Variants in CTIF observed in about 807,000 individuals in gnomAD.
CTIF encodes the protein cap binding complex dependent translation initiation factor.
In CTIF, 21 loss-of-function variants were observed where a neutral mutation model predicts 66.0. The ratio of observed to expected loss-of-function variants is 0.32; its 90% CI spans 0.23 to 0.46. The LOEUF is 0.46. CTIF is among the 20% of genes least tolerant of loss of function. The probability of loss-of-function intolerance (pLI) is 1.00; values close to 1 mark genes in which losing one functional copy is unlikely to be tolerated. For synonymous variants in CTIF, 345 were observed against 326.4 expected (o/e 1.06, Z -0.62); for missense variants, 739 against 812.7 (o/e 0.91, Z 1.10).
In CTIF at chr18:48,738,667, A is replaced by C. The variant is rs186877885; in HGVS notation, c.585-19252A>C. ...CATTCCACCTAAAAAGGCAGTCTCC[A>C]CCAGGGGTGCCCCCACCATACACCA... On this transcript the variant is annotated intron_variant, in intron 7 of 11. Transcript: ENST00000256413. Among the ~76,000 whole-genome samples, 23 of 152,248 alleles carry C rather than the reference A, an allele frequency of 1.5e-4. No homozygotes were observed. In the East Asian group the frequency reaches 3.1e-3, roughly 20 times the overall value.
intron 7 of CTIF, among the ~76,000 whole-genome samples, chr18:48,746,946 C>T (rs1490940972): frequency 6.6e-6 from 1 of 152,172 alleles, no homozygotes; most frequent in Non-Finnish European, 1.5e-5. Context: ...ACCCCGAGAA[C>T]TCACCAGACC....
At chr18:48,692,146 G>A (rs554635335) in intron 6 of CTIF, among the ~76,000 whole-genome samples, 2 of 152,214 alleles carry the variant, frequency 1.3e-5, no homozygotes, top group East Asian at 3.9e-4. Context: ...ACCTGAGCTT[G>A]TTAATTGTCT....
intron 10 of CTIF, among the ~76,000 whole-genome samples, chr18:48,841,075 G>A (rs749164327): frequency 2.6e-5 from 4 of 152,188 alleles, no homozygotes; most frequent in Non-Finnish European, 5.9e-5. Context: ...ACCCTTGCTC[G>A]TTATTTATGC....
chr18:48,859,209 G>A, intron 11 of CTIF, 135 bp from the exon 12 acceptor site: 2 of 740,352 alleles, frequency 2.7e-6, no homozygotes, highest in Non-Finnish European at 2.4e-6. Context: ...CCTCATTCCA[G>A]CTGTGGCACA....
chr18:48,669,732 GATA>G (rs1166513107), intron 5 of CTIF, among the ~76,000 whole-genome samples: 1 of 136,050 alleles, frequency 7.4e-6, no homozygotes, highest in Non-Finnish European at 1.6e-5. Context: ...GGTAAATACA[GATA>G]ATAATACATA....
Position 48,578,938 on chromosome 18 carries a change from A to C in CTIF, c.-29+39626A>C, listed in dbSNP as rs558472270. Among the ~76,000 whole-genome samples, 8 of 152,302 alleles carry C rather than the reference A, an allele frequency of 5.3e-5. No homozygotes were observed. In the South Asian group the frequency reaches 8.3e-4, roughly 16 times the overall value. ...GGCTATTCCAAGGTCACAACAATTT[A>C]CTTTTGTTTTCTTCTAAGAGGTTCA... is the stretch of plus-strand genomic sequence containing the variant. On this transcript the variant is annotated intron_variant, in intron 1 of 11. Coordinates refer to ENST00000256413, the MANE Select transcript of CTIF (RefSeq NM_014772.3).
chr18:48,652,131 A>T (rs1015212417), intron 3 of CTIF, among the ~76,000 whole-genome samples: 1 of 152,244 alleles, frequency 6.6e-6, no homozygotes, highest in South Asian at 2.1e-4. Context: ...AATAACTAAG[A>T]TCAGAGCAGA....
intron 7 of CTIF, among the ~76,000 whole-genome samples, chr18:48,715,124 A>G (rs1335640043): frequency 5.3e-5 from 8 of 152,132 alleles, no homozygotes; most frequent in Non-Finnish European, 1.2e-4. Flanking sequence ...AGCCCTACCC[A>G]CACTGTCAGA....
intron 10 of CTIF, among the ~76,000 whole-genome samples, chr18:48,828,365 C>T (rs539307109): frequency 5.9e-5 from 9 of 152,258 alleles, no homozygotes; most frequent in South Asian, 4.1e-4. Context: ...CATGTGCTCA[C>T]GGGGGAATTA....
intron 3 of CTIF, among the ~76,000 whole-genome samples, chr18:48,641,297 A>G (rs1256615774): frequency 6.6e-6 from 1 of 152,240 alleles, no homozygotes. Context: ...TGTGCCAAGA[A>G]CAGGAAATTA....
intron 3 of CTIF, among the ~76,000 whole-genome samples, chr18:48,661,364 T>A (rs2091342629): frequency 6.6e-6 from 1 of 151,632 alleles, no homozygotes; most frequent in Non-Finnish European, 1.5e-5. Context: ...AATAGATGCT[T>A]TGGAAGCAAG....
At chr18:48,837,688 A>T (rs947874035) in intron 10 of CTIF, among the ~76,000 whole-genome samples, 7 of 152,144 alleles carry the variant, frequency 4.6e-5, no homozygotes, top group Non-Finnish European at 7.4e-5. Flanking sequence ...TACTATACAG[A>T]TTCCTAGGCC....
intron 10 of CTIF, among the ~76,000 whole-genome samples, chr18:48,844,387 T>C (rs1425963788): frequency 6.6e-6 from 1 of 152,152 alleles, no homozygotes; most frequent in African/African-American, 2.4e-5. Context: ...GCCTTCTGGA[T>C]CCAATGTCTC....
chr18:48,814,860 G>A (rs1335428238), intron 9 of CTIF, among the ~76,000 whole-genome samples: 1 of 152,202 alleles, frequency 6.6e-6, no homozygotes, highest in Non-Finnish European at 1.5e-5. Context: ...TTCACCCTGG[G>A]TGAAAGATAA....
chr18:48,720,673 G>A (rs958863545), intron 7 of CTIF, among the ~76,000 whole-genome samples: 2 of 152,110 alleles, frequency 1.3e-5, no homozygotes, highest in East Asian at 3.9e-4. Context: ...GAAAAGAAGA[G>A]CAGCTCATTT....
rs202183503 is a variant in CTIF at position 48,761,402 on chromosome 18, G to T, written c.1084G>T (p.Val362Leu). 2 of 1,612,970 alleles carry T rather than the reference G, an allele frequency of 1.2e-6. No individual in the cohort carries two copies. Among genetic ancestry groups the T allele is most frequent in the East Asian group, 2.2e-5 (1 of 44,870 alleles). Residue 362 changes from valine (V) to leucine (L), a missense_variant, in exon 9 of 12, where the codon GTG (valine) becomes TTG (leucine). This residue lies in a region of CTIF where 529 missense variants were observed against 520.3 expected (regional missense o/e 1.02). Transcript: ENST00000256413. This position sits in a 1 kb window ranked among gnomAD's most constrained non-coding sequence, Gnocchi z 4.2. ...CCGACACCCCCAGGATGAAGTGGCC[G>T]TGGAGACGACCACTCCCCAGCAGAA... ...RRLKEKDEVA[V>L]ETTTPQQNKM...
At chr18:48,557,984 T>A (rs533562443) in intron 1 of CTIF, among the ~76,000 whole-genome samples, 14 of 152,400 alleles carry the variant, frequency 9.2e-5, no homozygotes, top group African/African-American at 3.4e-4. Context: ...AGGGATTCAA[T>A]ATGTAAATTT....
rs2092343029 is a variant in CTIF, at chr18:48,722,072, T to C, written c.584+10377T>C. ...GCAAATAACCAGTGTCTCGTGTATCTTCAGCTCAGCCCATGTGCCCTGTCC... is the reference window on the plus strand; with the variant it reads ...GCAAATAACCAGTGTCTCGTGTATCCTCAGCTCAGCCCATGTGCCCTGTCC... On this transcript the variant is annotated intron_variant, in intron 7 of 11. Coordinates refer to ENST00000256413, the MANE Select transcript of CTIF (RefSeq NM_014772.3). Among the ~76,000 whole-genome samples the C allele has an allele frequency of 1.3e-5, 2 of 152,154 alleles. 1 individual carries two copies. Among genetic ancestry groups the C allele is most frequent in the Non-Finnish European group, 2.9e-5 (2 of 68,026 alleles).
At chr18:48,850,440 G>A (rs893481205) in intron 10 of CTIF, among the ~76,000 whole-genome samples, 2 of 152,276 alleles carry the variant, frequency 1.3e-5, no homozygotes, top group East Asian at 1.9e-4. Context: ...AGAGCTAGTC[G>A]GCCCTCTCCG....
Sources: gnomAD v4.1 joint callset for allele counts (sites outside exome capture counted in the v4.1 genomes callset) on GRCh38, gnomAD v4.1.1 for gene constraint, gnomAD v4.1.1 regional missense constraint, Gnocchi (gnomAD v3.1) non-coding constraint, MANE v1.5 for transcripts, NCBI Gene and HGNC (gene_info 2026-07-23, HGNC 2026-07-21) for gene names.